Variants in CLTC observed in about 807,000 individuals in gnomAD.
The protein encoded by CLTC is clathrin heavy chain, also known as clathrin heavy chain 1.
In CLTC, 16 loss-of-function variants were observed where a neutral mutation model predicts 195.8. The observed-to-expected ratio is 0.08, with a 90% confidence interval of 0.06 to 0.12. CLTC has a LOEUF of 0.12. Ranked by LOEUF, CLTC falls within the 10% of genes least tolerant of loss-of-function variation. The pLI is 1.00. For synonymous variants in CLTC, 667 were observed against 689.4 expected (o/e 0.97, Z 0.51); for missense variants, 796 against 2,027.0 (o/e 0.39, Z 11.66).
At chr17:59,655,241 C>T (rs958351798) in intron 5 of CLTC, among the ~76,000 whole-genome samples, 4 of 152,114 alleles carry the variant, frequency 2.6e-5, no homozygotes, top group African/African-American at 7.2e-5. Flanking sequence ...TGTTGTGTCT[C>T]AGGTAATAGG....
Position 59,679,457 on chromosome 17 carries a change from C to G in CLTC, c.2857C>G (p.Pro953Ala). 1.9e-6 allele frequency: 3 copies of G among 1,609,670 alleles called. No individual in the cohort carries two copies. The highest frequency in any genetic ancestry group is 1.7e-6 in the Non-Finnish European group (2 of 1,177,762). The change falls in exon 18 of 32, where the codon CCA (proline) becomes GCA (alanine). Residue 953 changes from proline (P) to alanine (A), a missense_variant. By Grantham distance (27) the Pro-to-Ala change is conservative. Around this residue, in one of 9 missense-constraint regions of CLTC, gnomAD observed 160 missense variants for 448.2 expected, o/e 0.36. Coordinates refer to ENST00000269122, the MANE Select transcript of CLTC (RefSeq NM_004859.4). ...LSRYLVRRKD[P>A]ELWGSVLLES... The stretch of plus-strand genomic sequence containing the variant: ...TCGCTACCTGGTACGTCGAAAGGAT[C>G]CAGAATTGTGGGGCAGCGTGCTGCT...
At chr17:59,630,919 G>A (rs1221862908) in intron 1 of CLTC, among the ~76,000 whole-genome samples, 2 of 152,206 alleles carry the variant, frequency 1.3e-5, no homozygotes, top group East Asian at 3.8e-4. Context: ...TATATACTTA[G>A]AAGTGGAATT....
intron 1 of CLTC, among the ~76,000 whole-genome samples, chr17:59,637,235 TG>T (rs2031889964): frequency 6.6e-6 from 1 of 151,958 alleles, no homozygotes; most frequent in South Asian, 2.1e-4. Flanking sequence ...CTTTCAGTTA[TG>T]TCTCTGAAGT....
At chr17:59,640,402 CT>C (rs879240474) in intron 1 of CLTC, among the ~76,000 whole-genome samples, 486 of 141,678 alleles carry the variant, frequency 3.4e-3, no homozygotes, top group Middle Eastern at 3.7e-3. Context: ...ACTTGAAGTT[CT>C]TTTTTTTTTT....
intron 8 of CLTC, among the ~76,000 whole-genome samples, chr17:59,662,025 C>A (rs951459585): frequency 6.6e-6 from 1 of 151,804 alleles, no homozygotes; most frequent in Non-Finnish European, 1.5e-5. Context: ...ATCACTTGAA[C>A]CCGGGAGGTA....
chr17:59,674,393 CTG>C (rs1175322399), intron 15 of CLTC, among the ~76,000 whole-genome samples: 1 of 152,104 alleles, frequency 6.6e-6, no homozygotes, highest in Non-Finnish European at 1.5e-5. Flanking sequence ...TCATCTTTGA[CTG>C]TATCTTCTTT....
At position 59,683,544 on chromosome 17, in the gene CLTC, C is replaced by T. The variant is rs1442637524; in HGVS notation, c.4191+8C>T. On this transcript the variant is annotated splice_region_variant and intron_variant, in intron 26 of 31. Transcript: ENST00000269122. This position sits in a 1 kb window ranked among gnomAD's most constrained non-coding sequence, Gnocchi z 6.1. ...AAAGATATCATTACCAAGGTGTGTA[C>T]TTTCTTCAGAAGATAAAGGATTCAG... 2 of 1,613,236 alleles carry T rather than the reference C, an allele frequency of 1.2e-6. No homozygotes were observed. The highest frequency in any genetic ancestry group is 2.7e-5 in the African/African-American group (2 of 74,896).
intron 1 of CLTC, among the ~76,000 whole-genome samples, chr17:59,643,757 T>C (rs2032110619): frequency 6.6e-6 from 1 of 152,266 alleles, no homozygotes; most frequent in Non-Finnish European, 1.5e-5. Context: ...AGATCCCTCT[T>C]ACATATCTTT....
At chr17:59,647,699 G>T (rs763016906) in intron 3 of CLTC, 33 bp downstream of exon 3, 3 of 1,577,606 alleles carry the variant, frequency 1.9e-6, no homozygotes, top group Non-Finnish European at 2.6e-6. Flanking sequence ...ATGAAGAAGA[G>T]GTTTAGAACA....
At chr17:59,661,347 G>T (rs1567954457) in intron 7 of CLTC, 96 bp from the exon 8 acceptor site, 3 of 887,888 alleles carry the variant, frequency 3.4e-6, no homozygotes, top group Admixed American at 1.8e-5. Flanking sequence ...ATCTCTACAG[G>T]GTGTTTAGTG....
intron 1 of CLTC, among the ~76,000 whole-genome samples, chr17:59,626,933 T>G (rs1237743398): frequency 6.6e-6 from 1 of 152,208 alleles, no homozygotes; most frequent in African/African-American, 2.4e-5. Context: ...GGTCTCACTC[T>G]GTTGCCCAGG....
intron 17 of CLTC, 69 bp downstream of exon 17, chr17:59,677,257 G>A (rs2032986770): frequency 8.6e-7 from 1 of 1,157,082 alleles, no homozygotes; most frequent in Non-Finnish European, 1.3e-6. Flanking sequence ...GAGTTTCAGG[G>A]TAATTTTAGG....
At position 59,681,837 on chromosome 17, in the gene CLTC, G is replaced by C; in HGVS notation, c.3440G>C (p.Ser1147Thr). 2 of 1,610,290 alleles carry C rather than the reference G, an allele frequency of 1.2e-6. No individual in the cohort carries two copies. The highest frequency in any genetic ancestry group is 1.3e-5 in the African/African-American group (1 of 74,930). Residue 1147 changes from serine to threonine, a missense_variant and splice_region_variant, in exon 21 of 32, where the codon AGT becomes ACT. Ser to Thr is a moderately conservative substitution (Grantham distance 58). Around this residue, in one of 9 missense-constraint regions of CLTC, gnomAD observed 50 missense variants for 77.2 expected, o/e 0.65. Coordinates refer to ENST00000269122, the MANE Select transcript of CLTC (RefSeq NM_004859.4). This position sits in a 1 kb window ranked among gnomAD's most constrained non-coding sequence, Gnocchi z 5.0. ...GAAGTTGTTCAGGCTGCCAATACTA[G>C]TGGTATGACTTCTTACCTTATGTAT... is the stretch of plus-strand genomic sequence containing the variant. The part of the protein sequence containing the change: ...YMEVVQAANT[S>T]GNWEELVKYL...
chr17:59,628,436 AAG>A (rs1255882179), intron 1 of CLTC, among the ~76,000 whole-genome samples: 1 of 152,202 alleles, frequency 6.6e-6, no homozygotes, highest in African/African-American at 2.4e-5. Flanking sequence ...TCCACCCTGG[AAG>A]AGTTTCCCTT....
chr17:59,667,667 G>C (rs998382021), intron 13 of CLTC, among the ~76,000 whole-genome samples: 17 of 152,192 alleles, frequency 1.1e-4, no homozygotes, highest in African/African-American at 3.9e-4. Context: ...ATATTTAGTA[G>C]AATATTCAGC....
intron 2 of CLTC, among the ~76,000 whole-genome samples, chr17:59,646,790 T>G (rs1205673778): frequency 1.3e-5 from 2 of 152,230 alleles, no homozygotes; most frequent in Non-Finnish European, 2.9e-5. Flanking sequence ...GAAACTATCC[T>G]CTTCCTTTGT....
intron 6 of CLTC, among the ~76,000 whole-genome samples, chr17:59,657,878 A>C (rs544675227): frequency 3.9e-4 from 59 of 149,532 alleles, no homozygotes; most frequent in East Asian, 2.7e-3. Context: ...TTTTTTTTTT[A>C]AACTCTTAAT....
intron 6 of CLTC, chr17:59,658,649 C>T (rs1052535024): frequency 6.6e-6 from 1 of 152,156 alleles, no homozygotes; most frequent in Admixed American, 6.5e-5. Context: ...GACTTAAATT[C>T]TTAATTTGAT....
intron 30 of CLTC, chr17:59,689,651 AAGAC>A (rs2033256074): frequency 6.6e-6 from 1 of 152,196 alleles, no homozygotes; most frequent in Non-Finnish European, 1.5e-5. Flanking sequence ...TAAATATTGA[AAGAC>A]AAATATAGTG....
Sources: allele counts gnomAD v4.1 joint callset (sites outside exome capture counted in the v4.1 genomes callset), GRCh38; gene constraint gnomAD v4.1.1; regional missense constraint gnomAD v4.1.1; non-coding constraint Gnocchi (gnomAD v3.1); transcripts MANE v1.5; gene names NCBI Gene and HGNC (gene_info 2026-07-23, HGNC 2026-07-21).